BCKDHB: variants seen among roughly 807,000 people sequenced by gnomAD.
The protein encoded by BCKDHB is branched chain keto acid dehydrogenase E1 subunit beta.
BCKDHB carries 41 observed loss-of-function variants against 48.5 expected under a neutral mutation model. The ratio of observed to expected loss-of-function variants is 0.85; its 90% CI spans 0.66 to 1.10. The LOEUF is 1.10. Ranked by LOEUF, BCKDHB falls within the 50% of genes least tolerant of loss-of-function variation. The pLI is 0.00. For synonymous variants in BCKDHB, 201 were observed against 174.8 expected, an observed-to-expected ratio of 1.15 and a Z score of -1.18; for missense variants, 496 against 494.2, an observed-to-expected ratio of 1.00 and a Z score of -0.03.
intron 9 of BCKDHB, among the ~76,000 whole-genome samples, chr6:80,324,066 C>A (rs978255391): frequency 6.6e-6 from 1 of 152,134 alleles, no homozygotes; most frequent in African/African-American, 2.4e-5. Context: ...GCCACCGTGC[C>A]CGGCCCAAAA....
At chr6:80,154,906 C>T (rs538277799) in intron 3 of BCKDHB, among the ~76,000 whole-genome samples, 1 of 152,206 alleles carries the variant, frequency 6.6e-6, no homozygotes, top group Middle Eastern at 3.4e-3. Context: ...AACAGCTTGG[C>T]ACCTTGTTAC....
At chr6:80,136,122 A>C (rs530096634) in intron 3 of BCKDHB, among the ~76,000 whole-genome samples, 4 of 152,182 alleles carry the variant, frequency 2.6e-5, no homozygotes, top group Non-Finnish European at 5.9e-5. Context: ...TAAGACTGCT[A>C]TAAATACTGA....
chr6:80,109,640 T>C (rs374232829), intron 1 of BCKDHB, among the ~76,000 whole-genome samples: 93 of 152,340 alleles, frequency 6.1e-4, no homozygotes, highest in East Asian at 9.6e-4. Flanking sequence ...TGAGGAATAT[T>C]TTCCCATGTT....
At chr6:80,338,156 C>G (rs1473456945) in intron 9 of BCKDHB, among the ~76,000 whole-genome samples, 1 of 152,132 alleles carries the variant, frequency 6.6e-6, no homozygotes. Context: ...AGAAATAAAT[C>G]TGAGCCTGGA....
chr6:80,127,280 G>T (rs951172780), intron 1 of BCKDHB: 4 of 408,090 alleles, frequency 9.8e-6, no homozygotes, highest in East Asian at 5.5e-5. Flanking sequence ...TTGTCTACAC[G>T]CATTTAGTCA....
intron 8 of BCKDHB, among the ~76,000 whole-genome samples, chr6:80,234,845 T>A (rs1367338769): frequency 3.6e-5 from 5 of 140,332 alleles, no homozygotes; most frequent in African/African-American, 1.3e-4. Flanking sequence ...ATATATATAT[T>A]AGACTATTAT....
rs75813914 is a variant in BCKDHB at position 80,295,878 on chromosome 6, G to A, written c.1038+22657G>A. ...ACCGGATCCCTCCTATGACACGTGG[G>A]AATTATGGAACCTACAGTTCAAGAT... On this transcript the variant is annotated intron_variant, in intron 9 of 9. Coordinates refer to ENST00000320393, the MANE Select transcript of BCKDHB (RefSeq NM_183050.4). 6.9e-3 allele frequency among the ~76,000 whole-genome samples: 1,054 copies of A among 152,242 alleles called. 13 individuals carry two copies. The highest frequency in any genetic ancestry group is 0.012 in the Non-Finnish European group (820 of 68,020).
chr6:80,137,662 G>A (rs534681394), intron 3 of BCKDHB, among the ~76,000 whole-genome samples: 1 of 152,262 alleles, frequency 6.6e-6, no homozygotes, highest in East Asian at 1.9e-4. Flanking sequence ...TTTTGGCAAT[G>A]TCTAGAGATA....
At chr6:80,347,651 G>A (rs994399713), downstream of BCKDHB, among the ~76,000 whole-genome samples, 5 of 152,008 alleles carry the variant, frequency 3.3e-5, no homozygotes, top group African/African-American at 4.8e-5. Flanking sequence ...TTTTGAAATA[G>A]CAAGTGTGAG....
At chr6:80,320,745 T>C (rs1768675877) in intron 9 of BCKDHB, among the ~76,000 whole-genome samples, 1 of 152,188 alleles carries the variant, frequency 6.6e-6, no homozygotes, top group Non-Finnish European at 1.5e-5. Flanking sequence ...GCAAATGACA[T>C]TCTAATAAAA....
chr6:80,239,153 C>G (rs943473385), intron 8 of BCKDHB, among the ~76,000 whole-genome samples: 10 of 152,082 alleles, frequency 6.6e-5, no homozygotes, highest in African/African-American at 1.9e-4. Flanking sequence ...ATTTCTAGTT[C>G]TAGATCTTTG....
chr6:80,115,987 C>T (rs577029326), intron 1 of BCKDHB, among the ~76,000 whole-genome samples: 61 of 152,292 alleles, frequency 4.0e-4, no homozygotes, highest in African/African-American at 1.4e-3. Flanking sequence ...CAGTGCCGAA[C>T]GTATTGGCAC....
At chr6:80,376,904 T>A in the BCKDHB span, among the ~76,000 whole-genome samples, 1 of 152,232 alleles carries the variant, frequency 6.6e-6, no homozygotes, top group Non-Finnish European at 1.5e-5. Context: ...ATTTGTCTTT[T>A]CAATATTGAG....
intron 8 of BCKDHB, among the ~76,000 whole-genome samples, chr6:80,209,256 C>G (rs1774810661): frequency 6.6e-6 from 1 of 151,736 alleles, no homozygotes; most frequent in African/African-American, 2.4e-5. Flanking sequence ...TTAGGACTGT[C>G]TAGGGAAAAA....
chr6:80,115,498 G>T (rs1394939514), intron 1 of BCKDHB, among the ~76,000 whole-genome samples: 2 of 152,092 alleles, frequency 1.3e-5, no homozygotes, highest in African/African-American at 2.4e-5. Context: ...TTTTGTTGGG[G>T]AAAACAGGTA....
At chr6:80,425,870 T>C in the BCKDHB span, among the ~76,000 whole-genome samples, 1 of 152,210 alleles carries the variant, frequency 6.6e-6, no homozygotes, top group Non-Finnish European at 1.5e-5. Context: ...CAAGAAGCTT[T>C]CTTTGCACAG....
At chr6:80,389,274 G>A in the BCKDHB span, among the ~76,000 whole-genome samples, 1 of 152,302 alleles carries the variant, frequency 6.6e-6, no homozygotes, top group East Asian at 1.9e-4. Flanking sequence ...GGTTACACAT[G>A]GGCTCAGCAA....
chr6:80,283,279 C>A (rs1301872147), intron 9 of BCKDHB, among the ~76,000 whole-genome samples: 1 of 152,032 alleles, frequency 6.6e-6, no homozygotes. Context: ...TTTTCCATCC[C>A]TCTTTTTGGT....
chr6:80,345,155 A>G lies in BCKDHB; in HGVS notation c.*1351A>G, dbSNP rs1032883213. 2.0e-5 allele frequency: 3 copies of G among 152,202 alleles called. No individual in the cohort carries two copies. Among genetic ancestry groups the G allele is most frequent in the Admixed American group, 6.5e-5 (1 of 15,284 alleles). The allele number at this position is 152,202 out of a possible 1,614,324, so 9.4% of individuals were successfully genotyped here. On this transcript the variant is annotated 3_prime_UTR_variant, in exon 10 of 10. Transcript: ENST00000320393. ...GGTGTTATTCTAACAAAATGAATACATTACAAATTATTAAGTTAGCTTTTC... is the reference window on the plus strand; with the variant it reads ...GGTGTTATTCTAACAAAATGAATACGTTACAAATTATTAAGTTAGCTTTTC...
Sources: allele counts gnomAD v4.1 joint callset (sites outside exome capture counted in the v4.1 genomes callset), GRCh38; gene constraint gnomAD v4.1.1; transcripts MANE v1.5; gene names NCBI Gene and HGNC (gene_info 2026-07-23, HGNC 2026-07-21).